Variants in WHRN observed in about 807,000 individuals in gnomAD.
The protein encoded by WHRN is CASK-interacting protein CIP98.
A neutral mutation model predicts 68.3 loss-of-function variants in WHRN; 41 were observed. The observed-to-expected ratio is 0.60, with a 90% CI of 0.47 to 0.78. WHRN has a LOEUF of 0.78. WHRN is among the 30% of genes least tolerant of loss of function. The pLI, the probability that WHRN is intolerant of heterozygous loss-of-function variation, is 0.00. For synonymous variants in WHRN, 560 were observed against 561.3 expected (o/e 1.00, Z 0.03); for missense variants, 1,243 against 1,244.7 (o/e 1.00, Z 0.02).
chr9:114,494,031 CT>C (rs1843237054), intron 1 of WHRN, among the ~76,000 whole-genome samples: 1 of 152,158 alleles, frequency 6.6e-6, no homozygotes, highest in Admixed American at 6.5e-5. Flanking sequence ...CCCACCACCC[CT>C]GACTGTGTGC....
At chr9:114,425,396 T>A in intron 4 of WHRN, 1 of 562,154 alleles carries the variant, frequency 1.8e-6, no homozygotes, top group Non-Finnish European at 3.2e-6. Context: ...GAACTGGAGA[T>A]CCCAGATGCA....
At chr9:114,448,227 G>A (rs1839006418) in intron 3 of WHRN, among the ~76,000 whole-genome samples, 1 of 152,124 alleles carries the variant, frequency 6.6e-6, no homozygotes, top group African/African-American at 2.4e-5. Context: ...AGAACGGACA[G>A]GGAGATTTGA....
Position 114,466,407 on chromosome 9 carries a change from G to A in WHRN, c.838-15C>T, listed in dbSNP as rs769277233. The A allele has an allele frequency of 6.2e-6, 10 of 1,613,822 alleles. No homozygotes were observed. The highest frequency in any genetic ancestry group is 2.2e-5 in the South Asian group (2 of 91,090). ...ACCAGGTTCACCTGTCAGAGGGAGA[G>A]GATAACATTAGAGGGACTGGAGGAG... On this transcript the variant is annotated splice_polypyrimidine_tract_variant and intron_variant, in intron 2 of 11. Coordinates refer to ENST00000362057, the MANE Select transcript of WHRN (RefSeq NM_015404.4).
chr9:114,493,237 G>C (rs1480754628), intron 1 of WHRN, among the ~76,000 whole-genome samples: 1 of 151,634 alleles, frequency 6.6e-6, no homozygotes, highest in Admixed American at 6.6e-5. Flanking sequence ...TGTAGTCCCA[G>C]CTACTTGGGA....
chr9:114,415,358 A>G (rs1835741535), intron 7 of WHRN, among the ~76,000 whole-genome samples: 1 of 151,362 alleles, frequency 6.6e-6, no homozygotes, highest in South Asian at 2.1e-4. Context: ...GGTTAAACAC[A>G]AACGCCTCCC....
intron 2 of WHRN, among the ~76,000 whole-genome samples, chr9:114,475,711 G>A (rs948430374): frequency 1.3e-5 from 2 of 152,152 alleles, no homozygotes; most frequent in East Asian, 3.9e-4. Context: ...GGAGAGAAGA[G>A]AATCAGACCC....
intron 1 of WHRN, among the ~76,000 whole-genome samples, chr9:114,489,025 G>A (rs1842755765): frequency 2.0e-5 from 3 of 152,144 alleles, no homozygotes; most frequent in Non-Finnish European, 4.4e-5. Flanking sequence ...CTCATCTCCT[G>A]CCCTGCCACC....
intron 8 of WHRN, among the ~76,000 whole-genome samples, 191 bp from the exon 9 acceptor site, chr9:114,407,083 G>C (rs1447822403): frequency 6.6e-6 from 1 of 152,238 alleles, no homozygotes; most frequent in African/African-American, 2.4e-5. Flanking sequence ...CAGCTGATAA[G>C]CGTTGGGATC....
chr9:114,438,080 A>C (rs1477330264), intron 3 of WHRN, among the ~76,000 whole-genome samples: 1 of 152,108 alleles, frequency 6.6e-6, no homozygotes, highest in East Asian at 1.9e-4. Flanking sequence ...CAAAAAATAC[A>C]AAAAATTAGC....
chr9:114,441,794 C>T (rs189340683), intron 3 of WHRN, among the ~76,000 whole-genome samples: 1 of 152,108 alleles, frequency 6.6e-6, no homozygotes, highest in African/African-American at 2.4e-5. Flanking sequence ...TAAAATTTTG[C>T]AAAACAACTG....
intron 3 of WHRN, among the ~76,000 whole-genome samples, chr9:114,449,186 A>G (rs1431805209): frequency 2.0e-5 from 3 of 152,226 alleles, no homozygotes; most frequent in Non-Finnish European, 4.4e-5. Flanking sequence ...GCAGGCATTT[A>G]ATTTGGCATG....
intron 3 of WHRN, among the ~76,000 whole-genome samples, chr9:114,462,174 C>T (rs1840297861): frequency 6.6e-6 from 1 of 152,160 alleles, no homozygotes; most frequent in Admixed American, 6.5e-5. Flanking sequence ...GTGCTGGCTG[C>T]CAGGAAGCTC....
At position 114,404,069 on chromosome 9, in the gene WHRN, T is replaced by C. The variant is rs752423600; in HGVS notation, c.2245A>G (p.Thr749Ala). ...RALPQTRTAS[T>A]LSQLSDSGQT... Reference sequence around the variant, plus strand: ...CCGCTGTCCGAGAGCTGGGAGAGCGTAGAGGCTGCTGGAGAGGGGAAAAGG... The same window carrying C: ...CCGCTGTCCGAGAGCTGGGAGAGCGCAGAGGCTGCTGGAGAGGGGAAAAGG... Residue 749 changes from threonine to alanine, a missense_variant, in exon 10 of 12, where the codon ACG becomes GCG. Transcript: ENST00000362057. 3.1e-6 allele frequency: 5 copies of C among 1,612,846 alleles called. No individual in the cohort carries two copies. The South Asian group carries it at 5.5e-5, about 18-fold the overall frequency.
At chr9:114,456,123 TA>T (rs72171841) in intron 3 of WHRN, among the ~76,000 whole-genome samples, 58 of 145,850 alleles carry the variant, frequency 4.0e-4, no homozygotes, top group Non-Finnish European at 5.7e-4. Flanking sequence ...TGAGAATGTG[TA>T]AAAAAAAAAA....
chr9:114,424,999 C>T lies in WHRN; in HGVS notation c.1192G>A (p.Gly398Arg), dbSNP rs1483589525. The change falls in exon 5 of 12, where the codon GGA becomes AGA. Residue 398 changes from glycine (G) to arginine (R), a missense_variant. By Grantham distance (125) the Gly-to-Arg change is moderately radical. Coordinates refer to ENST00000362057, the MANE Select transcript of WHRN (RefSeq NM_015404.4). ...AGFLGDLTTE[G>R]INKPGFYKGP... ...AGAGGATGTCCTACCTTGTTTATTC[C>T]TTCTGTTGTGAGATCGCCAAGAAAC... The T allele has an allele frequency of 1.2e-6, 2 of 1,614,050 alleles. No homozygotes were observed. Among genetic ancestry groups the T allele is most frequent in the African/African-American group, 1.3e-5 (1 of 74,914 alleles).
chr9:114,491,415 A>G (rs1842960085), intron 1 of WHRN: 1 of 152,312 alleles, frequency 6.6e-6, no homozygotes. Flanking sequence ...TGGGCACAGG[A>G]TATCAGTCAG....
intron 1 of WHRN, among the ~76,000 whole-genome samples, chr9:114,489,524 A>G (rs1362625940): frequency 6.6e-6 from 1 of 151,552 alleles, no homozygotes; most frequent in East Asian, 1.9e-4. Context: ...GTGCACACAC[A>G]CACACACACA....
intron 1 of WHRN, among the ~76,000 whole-genome samples, chr9:114,480,758 T>C (rs958620833): frequency 6.6e-5 from 10 of 152,176 alleles, no homozygotes; most frequent in African/African-American, 2.4e-4. Context: ...AAGGTTGTAA[T>C]GCCATGGAAA....
rs1449157065 is a variant in WHRN, at chr9:114,478,716, G to A, written c.674C>T (p.Pro225Leu). 6.2e-7 allele frequency: 1 copy of A among 1,610,018 alleles called. No individual in the cohort carries two copies. Among genetic ancestry groups the A allele is most frequent in the Non-Finnish European group, 8.5e-7 (1 of 1,179,024 alleles). The change falls in exon 2 of 12, where the codon CCT becomes CTT. Residue 225 changes from proline to leucine, a missense_variant. Pro to Leu is a moderately conservative substitution (Grantham distance 98). Coordinates refer to ENST00000362057, the MANE Select transcript of WHRN (RefSeq NM_015404.4). Reference protein sequence around the residue: ...VLSVYSAGRIPGGYVTNHIYT... With the variant: ...VLSVYSAGRILGGYVTNHIYT... ...GATGTGGTTGGTGACGTAGCCCCCA[G>A]GGATGCGCCCTGCTGAGTACACAGA...
Sources: allele counts gnomAD v4.1 joint callset (sites outside exome capture counted in the v4.1 genomes callset), GRCh38; gene constraint gnomAD v4.1.1; transcripts MANE v1.5; gene names NCBI Gene and HGNC (gene_info 2026-07-23, HGNC 2026-07-21).